The following RTCA variants were observed in gnomAD, a reference collection of about 807,000 sequenced individuals.
RTCA encodes the protein RNA terminal phosphate cyclase domain 1.
RTCA carries 37 observed loss-of-function variants against 46.1 expected under a neutral mutation model. The observed-to-expected ratio is 0.80, with a 90% CI of 0.62 to 1.06. The LOEUF (loss-of-function observed/expected upper bound fraction) is 1.06. Among genes scored for constraint, RTCA ranks in the 50% least tolerant of loss-of-function variants. The pLI, the probability that RTCA is intolerant of heterozygous loss-of-function variation, is 0.00. For synonymous variants in RTCA, 164 were observed against 158.3 expected (o/e 1.04, Z -0.27); for missense variants, 435 against 455.5 (o/e 0.95, Z 0.41).
intron 8 of RTCA, among the ~76,000 whole-genome samples, chr1:100,282,358 C>T (rs532859176): frequency 6.6e-6 from 1 of 152,278 alleles, no homozygotes; most frequent in South Asian, 2.1e-4. Flanking sequence ...GAAGTTCTTT[C>T]CTTTTCCTTT....
chr1:100,266,681 C>T lies in RTCA; in HGVS notation c.146+57C>T, dbSNP rs894137608. Reference sequence around the variant, plus strand: ...GAAGCTGGGGGATCGGGGGGTCGGGCTGCCGGGCTGGGGCATCGGGAGTCC... The same window carrying T: ...GAAGCTGGGGGATCGGGGGGTCGGGTTGCCGGGCTGGGGCATCGGGAGTCC... On this transcript the variant is annotated intron_variant, in intron 2 of 10. Coordinates refer to ENST00000370128, the MANE Select transcript of RTCA (RefSeq NM_003729.4). The T allele has an allele frequency of 7.6e-6, 11 of 1,442,198 alleles. No homozygotes were observed. The Admixed American group carries it at 9.8e-5, about 13-fold the overall frequency. The allele number at this position is 1,442,198 out of a possible 1,614,324, so 89.3% of individuals were successfully genotyped here.
intron 8 of RTCA, among the ~76,000 whole-genome samples, chr1:100,283,951 AAAAAACAAG>A (rs1394789284): frequency 7.5e-4 from 33 of 43,926 alleles, no homozygotes; most frequent in South Asian, 2.2e-3. Context: ...AAAAAAAAAG[AAAAAACAAG>A]AAAAAACAAG....
rs139397880 is a variant in RTCA at position 100,274,862 on chromosome 1, G to A, written c.512G>A (p.Arg171Gln). 1.5e-4 allele frequency: 242 copies of A among 1,613,224 alleles called. No individual in the cohort carries two copies. Among genetic ancestry groups the A allele is most frequent in the Non-Finnish European group, 1.9e-4 (219 of 1,179,480 alleles). ...AAAGGGGGTGGTGAAGTGATTGTTC[G>A]AATGTCACCAGTTAAACAATTGAAC... ...YPKGGGEVIV[R>Q]MSPVKQLNPI... Residue 171 changes from arginine (R) to glutamine (Q), a missense_variant, in exon 6 of 11, where the codon CGA becomes CAA. Transcript: ENST00000370128.
At chr1:100,283,754 T>C (rs1245327903) in intron 8 of RTCA, among the ~76,000 whole-genome samples, 3 of 151,630 alleles carry the variant, frequency 2.0e-5, no homozygotes, top group Non-Finnish European at 4.4e-5. Context: ...ATTGATAATA[T>C]AAAGAGGGTA....
At chr1:100,288,769 A>C (rs1193874875) in intron 10 of RTCA, among the ~76,000 whole-genome samples, 3 of 152,132 alleles carry the variant, frequency 2.0e-5, no homozygotes, top group Non-Finnish European at 4.4e-5. Context: ...AGTGTCCCAT[A>C]CACAAAACCA....
At chr1:100,277,355 C>T (rs1215794320) in intron 8 of RTCA, 39 bp downstream of exon 8, 24 of 1,517,506 alleles carry the variant, frequency 1.6e-5, no homozygotes, top group Non-Finnish European at 2.1e-5. Flanking sequence ...CCCAATGCTA[C>T]TGCAGAATTC....
intron 10 of RTCA, among the ~76,000 whole-genome samples, chr1:100,287,808 T>C (rs920526497): frequency 5.3e-5 from 8 of 151,906 alleles, no homozygotes; most frequent in African/African-American, 1.7e-4. Context: ...TTTTTTTTTT[T>C]TTTGAGACAG....
chr1:100,275,104 C>A, intron 6 of RTCA, 139 bp downstream of exon 6: 1 of 847,144 alleles, frequency 1.2e-6, no homozygotes, highest in Non-Finnish European at 1.8e-6. Context: ...AATATGGCTG[C>A]AGCTGGAGGC....
intron 9 of RTCA, among the ~76,000 whole-genome samples, 177 bp downstream of exon 9, chr1:100,285,499 G>T (rs10875286): frequency 6.6e-6 from 1 of 152,058 alleles, no homozygotes; most frequent in African/African-American, 2.4e-5. Context: ...TTTACTTTAC[G>T]TGTCTACAGT....
chr1:100,273,205 A>G (rs1282055354), intron 4 of RTCA, among the ~76,000 whole-genome samples, 189 bp from the exon 5 acceptor site: 1 of 152,196 alleles, frequency 6.6e-6, no homozygotes, highest in African/African-American at 2.4e-5. Flanking sequence ...AATAAATGTC[A>G]AACTTTTAAA....
chr1:100,271,464 T>C (rs1666085939), intron 4 of RTCA, among the ~76,000 whole-genome samples: 1 of 152,054 alleles, frequency 6.6e-6, no homozygotes, highest in African/African-American at 2.4e-5. Flanking sequence ...AGATGCTGTC[T>C]TTAAAAAAAC....
chr1:100,274,004 G>C (rs1195015112), intron 5 of RTCA, among the ~76,000 whole-genome samples: 1 of 152,068 alleles, frequency 6.6e-6, no homozygotes, highest in Admixed American at 6.5e-5. Flanking sequence ...ATGTTTGCTT[G>C]TTATTCCTTA....
chr1:100,282,963 T>G (rs1666795206), intron 8 of RTCA, among the ~76,000 whole-genome samples: 1 of 152,040 alleles, frequency 6.6e-6, no homozygotes, highest in African/African-American at 2.4e-5. Context: ...TGCGCCACCA[T>G]GCCTGGCTAT....
intron 10 of RTCA, among the ~76,000 whole-genome samples, chr1:100,290,400 G>A (rs1293311274): frequency 6.6e-6 from 1 of 152,054 alleles, no homozygotes; most frequent in Non-Finnish European, 1.5e-5. Flanking sequence ...CACTGCACCT[G>A]GCTAGTTGTT....
chr1:100,267,096 A>G (rs1222378708), intron 2 of RTCA: 1 of 217,898 alleles, frequency 4.6e-6, no homozygotes, highest in East Asian at 1.1e-4. Context: ...GAGAGCTGTT[A>G]TGACCAGAAT....
intron 7 of RTCA, among the ~76,000 whole-genome samples, chr1:100,276,448 G>A (rs1264099311): frequency 6.6e-6 from 1 of 152,158 alleles, no homozygotes; most frequent in Non-Finnish European, 1.5e-5. Context: ...GGAGGCTGAG[G>A]CGGGCAGATC....
intron 8 of RTCA, among the ~76,000 whole-genome samples, chr1:100,283,947 AAAG>A (rs1666879408): frequency 1.0e-5 from 1 of 97,148 alleles, no homozygotes; most frequent in African/African-American, 3.6e-5. Flanking sequence ...AAAAAAAAAA[AAAG>A]AAAAAACAAG....
chr1:100,286,984 A>G, intron 9 of RTCA, 115 bp from the exon 10 acceptor site: 3 of 676,504 alleles, frequency 4.4e-6, no homozygotes, highest in South Asian at 5.8e-5. Flanking sequence ...AAGAAATAGA[A>G]ATTCTGTTTT....
intron 5 of RTCA, among the ~76,000 whole-genome samples, chr1:100,274,267 G>C (rs1478686181): frequency 6.6e-6 from 1 of 152,138 alleles, no homozygotes; most frequent in Non-Finnish European, 1.5e-5. Flanking sequence ...GAGGAGTACT[G>C]TCTTCTCACC....
Sources: gnomAD v4.1 joint callset for allele counts (sites outside exome capture counted in the v4.1 genomes callset) on GRCh38, gnomAD v4.1.1 for gene constraint, MANE v1.5 for transcripts, NCBI Gene and HGNC (gene_info 2026-07-23, HGNC 2026-07-21) for gene names.